Variants in GLI2 observed in about 807,000 individuals in gnomAD.
The protein encoded by GLI2 is transcription activator GLI2.
A neutral mutation model predicts 78.9 loss-of-function variants in GLI2; 22 were observed. That is an observed-to-expected ratio of 0.28 (90% CI 0.20 to 0.40). The LOEUF (loss-of-function observed/expected upper bound fraction) is 0.40. Among genes scored for constraint, GLI2 ranks in the 10% least tolerant of loss-of-function variants. The probability of loss-of-function intolerance (pLI) is 1.00; values close to 1 mark genes in which losing one functional copy is unlikely to be tolerated. For missense variants in GLI2, 2,097 were observed against 2,213.2 expected, an observed-to-expected ratio of 0.95 and a Z score of 1.05; for synonymous variants, 974 against 963.7, an observed-to-expected ratio of 1.01 and a Z score of -0.20.
At chr2:120,982,945 G>A in intron 11 of GLI2, 65 bp downstream of exon 11, 1 of 1,517,190 alleles carries the variant, frequency 6.6e-7, no homozygotes, top group Non-Finnish European at 9.1e-7. Flanking sequence ...ATGGCTTCCA[G>A]GCATCTGTAG....
chr2:120,911,265 C>G (rs1678803327), intron 2 of GLI2, among the ~76,000 whole-genome samples: 1 of 152,242 alleles, frequency 6.6e-6, no homozygotes, highest in African/African-American at 2.4e-5. Flanking sequence ...CTGAACGCTC[C>G]TGTGCCTCAG....
chr2:120,982,340 A>C (rs1336668634), intron 10 of GLI2, among the ~76,000 whole-genome samples: 1 of 152,216 alleles, frequency 6.6e-6, no homozygotes, highest in African/African-American at 2.4e-5. Flanking sequence ...AAACAGTTCA[A>C]AGTCATAGTT....
At chr2:120,965,049 G>A in intron 5 of GLI2, among the ~76,000 whole-genome samples, 1 of 152,250 alleles carries the variant, frequency 6.6e-6, no homozygotes, top group East Asian at 1.9e-4. Context: ...TCACTAAATG[G>A]TGGTTGTCAC....
chr2:120,845,378 A>T (rs1687067254), intron 2 of GLI2, among the ~76,000 whole-genome samples: 1 of 152,254 alleles, frequency 6.6e-6, no homozygotes, highest in African/African-American at 2.4e-5. Flanking sequence ...CCAAGGGAAG[A>T]CATGCTATAC....
intron 1 of GLI2, among the ~76,000 whole-genome samples, chr2:120,782,563 C>T (rs1428354356): frequency 2.0e-5 from 3 of 152,204 alleles, no homozygotes; most frequent in Non-Finnish European, 4.4e-5. Context: ...GCAGTATGCA[C>T]CACTGCCTCT....
At chr2:120,885,492 T>A (rs559582947) in intron 2 of GLI2, among the ~76,000 whole-genome samples, 1 of 152,334 alleles carries the variant, frequency 6.6e-6, no homozygotes, top group Admixed American at 6.5e-5. Context: ...CACCCGTCCC[T>A]TCTGGGGCAG....
chr2:120,886,717 G>T (rs750760690), intron 2 of GLI2, among the ~76,000 whole-genome samples: 35 of 152,342 alleles, frequency 2.3e-4, no homozygotes, highest in Middle Eastern at 6.8e-3. Flanking sequence ...AAATAAAGGG[G>T]CCTGGAGTGG....
At chr2:120,926,760 C>T (rs896544528) in intron 2 of GLI2, among the ~76,000 whole-genome samples, 1 of 152,212 alleles carries the variant, frequency 6.6e-6, no homozygotes, top group African/African-American at 2.4e-5. Flanking sequence ...GGGCACCCGA[C>T]AGCGTTTAGG....
At chr2:120,754,786 G>A (rs1000174770) in intron 1 of GLI2, among the ~76,000 whole-genome samples, 2 of 152,042 alleles carry the variant, frequency 1.3e-5, no homozygotes, top group African/African-American at 2.4e-5. Context: ...TAAACATCGA[G>A]GAGTAGAATG....
chr2:120,745,092 C>T (rs1275982918), intron 1 of GLI2, among the ~76,000 whole-genome samples: 2 of 152,202 alleles, frequency 1.3e-5, no homozygotes, highest in East Asian at 3.9e-4. Flanking sequence ...GGCTCTAGAG[C>T]AGGGTCTCTC....
chr2:120,740,383 T>TTTAA (rs1682493516), intron 1 of GLI2, among the ~76,000 whole-genome samples: 6 of 152,200 alleles, frequency 3.9e-5, no homozygotes, highest in African/African-American at 1.4e-4. Context: ...GTTTTGGGGA[T>TTTAA]TTGGGTTTAA....
In GLI2 at chr2:120,800,918, G is replaced by T. The variant is rs1171445599; in HGVS notation, c.148+3450G>T. On this transcript the variant is annotated intron_variant, in intron 2 of 13. Coordinates refer to ENST00000361492, the MANE Select transcript of GLI2 (RefSeq NM_001374353.1). This position sits in a 1 kb window ranked among gnomAD's most constrained non-coding sequence, Gnocchi z 4.1. Reference sequence around the variant, plus strand: ...TCAGGGGCGCAGTGGTGAGGAAACAGCCAAATCCTGCAAGCTGTCAGGGGC... The same window carrying T: ...TCAGGGGCGCAGTGGTGAGGAAACATCCAAATCCTGCAAGCTGTCAGGGGC... Among the ~76,000 whole-genome samples, 2 of 152,294 alleles carry T rather than the reference G, an allele frequency of 1.3e-5. No individual in the cohort carries two copies. Among genetic ancestry groups the T allele is most frequent in the East Asian group, 3.9e-4 (2 of 5,178 alleles).
rs943796857 is a variant in GLI2, at chr2:120,978,360, G to T, written c.1318-74G>T. ...GGCTGGGGGGGTGCCGGTGCAGGTG[G>T]TCAGCTGACAGCAGGGGGTGGTCTG... On this transcript the variant is annotated intron_variant, in intron 9 of 13. Transcript: ENST00000361492. 1.9e-6 allele frequency: 3 copies of T among 1,572,016 alleles called. No homozygotes were observed. The Admixed American group carries it at 5.0e-5, about 26-fold the overall frequency.
chr2:120,893,952 G>C (rs942903247), intron 2 of GLI2, among the ~76,000 whole-genome samples: 1 of 152,202 alleles, frequency 6.6e-6, no homozygotes, highest in Non-Finnish European at 1.5e-5. Context: ...TGACAGCAGC[G>C]TGATTTAAGG....
intron 1 of GLI2, among the ~76,000 whole-genome samples, chr2:120,789,351 C>T (rs139610793): frequency 1.6e-3 from 243 of 152,210 alleles, no homozygotes; most frequent in African/African-American, 4.5e-3. Flanking sequence ...CCTGTGGGAA[C>T]GCTTTTTTTT....
chr2:120,741,999 C>G (rs1444287459), intron 1 of GLI2, among the ~76,000 whole-genome samples: 1 of 152,222 alleles, frequency 6.6e-6, no homozygotes, highest in Admixed American at 6.5e-5. Context: ...CTTCCTCGAC[C>G]CCGTTTCCCA....
At chr2:120,967,842 A>T (rs2677528) in intron 5 of GLI2, among the ~76,000 whole-genome samples, 120,080 of 152,258 alleles carry the variant, frequency 0.79, 52,092 homozygotes, top group East Asian at 1. Context: ...CTGTGTCAGG[A>T]TGCCTCTCGC....
chr2:120,914,739 C>T (rs1452958887), intron 2 of GLI2, among the ~76,000 whole-genome samples: 1 of 152,194 alleles, frequency 6.6e-6, no homozygotes, highest in Non-Finnish European at 1.5e-5. Flanking sequence ...GGCCCTACTG[C>T]GTGCCTGGCC....
chr2:120,917,868 G>A (rs982010006), intron 2 of GLI2, among the ~76,000 whole-genome samples: 8 of 152,314 alleles, frequency 5.3e-5, no homozygotes, highest in Admixed American at 2.0e-4. Flanking sequence ...TATTTTCTGC[G>A]GGCAGCATGG....
Sources: gnomAD v4.1 joint callset for allele counts (sites outside exome capture counted in the v4.1 genomes callset) on GRCh38, gnomAD v4.1.1 for gene constraint, Gnocchi (gnomAD v3.1) non-coding constraint, MANE v1.5 for transcripts, NCBI Gene and HGNC (gene_info 2026-07-23, HGNC 2026-07-21) for gene names.